The following AMD1 variants were observed in gnomAD, a reference collection of about 807,000 sequenced individuals.
AMD1 encodes S-adenosylmethionine decarboxylase proenzyme.
A neutral mutation model predicts 40.2 loss-of-function variants in AMD1; 11 were observed. The observed-to-expected ratio is 0.27, with a 90% confidence interval of 0.17 to 0.45. The LOEUF is 0.45. Among genes scored for constraint, AMD1 ranks in the 20% least tolerant of loss-of-function variants. AMD1 has a pLI of 1.00. For synonymous variants in AMD1, 121 were observed against 130.8 expected (o/e 0.93, Z 0.51); for missense variants, 257 against 410.2 (o/e 0.63, Z 3.23).
At position 110,878,326 on chromosome 6, in the gene AMD1, C is replaced by T. The variant is rs142169615; in HGVS notation, c.110+3111C>T. On this transcript the variant is annotated intron_variant, in intron 1 of 8. Transcript: ENST00000368885. ...GAATACACTTTAAACAAACTTGGCT[C>T]ATCAGTCCAAGCTTTAATGCTTGGA... Among the ~76,000 whole-genome samples the T allele has an allele frequency of 1.3e-3, 201 of 152,316 alleles. 1 individual carries two copies. The highest frequency in any genetic ancestry group is 4.5e-3 in the African/African-American group (189 of 41,580).
the AMD1 span, chr6:110,814,913 G>C: frequency 6.5e-7 from 1 of 1,537,992 alleles, no homozygotes; most frequent in Non-Finnish European, 8.9e-7. Context: ...CTCGCCCCTC[G>C]GGCACGGCCC....
chr6:110,825,314 A>G, the AMD1 span, among the ~76,000 whole-genome samples: 1 of 152,196 alleles, frequency 6.6e-6, no homozygotes, highest in South Asian at 2.1e-4. Context: ...GGTAACTAGT[A>G]ACTAATTGAA....
the AMD1 span, among the ~76,000 whole-genome samples, chr6:110,827,353 A>C: frequency 6.6e-6 from 1 of 150,662 alleles, no homozygotes; most frequent in Non-Finnish European, 1.5e-5. Flanking sequence ...GTGTTGCCCA[A>C]GCTTGTTTCT....
chr6:110,850,505 C>T, the AMD1 span, among the ~76,000 whole-genome samples: 3 of 152,160 alleles, frequency 2.0e-5, no homozygotes, highest in African/African-American at 7.2e-5. Context: ...CCCCAACCAT[C>T]CCTGCCTGCC....
chr6:110,883,694 C>G (rs191186583), intron 1 of AMD1, among the ~76,000 whole-genome samples: 84 of 152,258 alleles, frequency 5.5e-4, no homozygotes, highest in African/African-American at 2.0e-3. Flanking sequence ...CGGGTTCATG[C>G]CATTCTCCCG....
At chr6:110,871,515 T>A (rs954040009), upstream of AMD1, among the ~76,000 whole-genome samples, 1 of 152,044 alleles carries the variant, frequency 6.6e-6, no homozygotes, top group Admixed American at 6.6e-5. Context: ...CAGGAAAGAG[T>A]GGAATCATTG....
chr6:110,846,913 A>AT, the AMD1 span, among the ~76,000 whole-genome samples: 1 of 151,794 alleles, frequency 6.6e-6, no homozygotes, highest in Non-Finnish European at 1.5e-5. Context: ...TCTTAATTGC[A>AT]TTTTTTTCTG....
At chr6:110,834,596 GA>G in the AMD1 span, among the ~76,000 whole-genome samples, 1 of 152,048 alleles carries the variant, frequency 6.6e-6, no homozygotes, top group African/African-American at 2.4e-5. Flanking sequence ...GCCAAGGCAG[GA>G]AGATTGCTTG....
chr6:110,820,517 A>T, the AMD1 span, among the ~76,000 whole-genome samples: 1 of 151,706 alleles, frequency 6.6e-6, no homozygotes, highest in African/African-American at 2.4e-5. Flanking sequence ...GATTACAGGC[A>T]TGAGCTACCA....
At chr6:110,839,467 A>C in the AMD1 span, among the ~76,000 whole-genome samples, 1 of 152,086 alleles carries the variant, frequency 6.6e-6, no homozygotes, top group Non-Finnish European at 1.5e-5. Context: ...CTACAAATGC[A>C]AAAATTAGCC....
At chr6:110,837,438 C>T in the AMD1 span, among the ~76,000 whole-genome samples, 6 of 151,514 alleles carry the variant, frequency 4.0e-5, no homozygotes, top group South Asian at 2.1e-4. Flanking sequence ...TGGATGGACA[C>T]GGTGGCTCAT....
chr6:110,818,297 G>A, the AMD1 span, among the ~76,000 whole-genome samples: 2 of 152,092 alleles, frequency 1.3e-5, no homozygotes, highest in Non-Finnish European at 2.9e-5. Context: ...GGCAAAAAAA[G>A]GGGGATAGGA....
the AMD1 span, among the ~76,000 whole-genome samples, chr6:110,838,820 T>C: frequency 1.3e-5 from 2 of 152,112 alleles, no homozygotes; most frequent in African/African-American, 4.8e-5. Flanking sequence ...GGTCGCATCA[T>C]TGCACTCCAG....
intron 1 of AMD1, among the ~76,000 whole-genome samples, chr6:110,876,094 C>T (rs1332000086): frequency 2.0e-5 from 3 of 152,230 alleles, no homozygotes; most frequent in Admixed American, 6.5e-5. Flanking sequence ...GCAAAGGAAT[C>T]TGGGGCCCAC....
At chr6:110,889,108 G>A in intron 3 of AMD1, 125 bp downstream of exon 3, 1 of 1,150,938 alleles carries the variant, frequency 8.7e-7, no homozygotes. Flanking sequence ...CACGTGGTAA[G>A]GTGTTCATAC....
chr6:110,853,730 T>C, the AMD1 span, among the ~76,000 whole-genome samples: 1 of 152,210 alleles, frequency 6.6e-6, no homozygotes, highest in African/African-American at 2.4e-5. Context: ...TGTGAGCAAC[T>C]GCGCCCAGCC....
chr6:110,818,992 C>CT, the AMD1 span, among the ~76,000 whole-genome samples: 34 of 152,286 alleles, frequency 2.2e-4, no homozygotes, highest in African/African-American at 7.5e-4. Context: ...AGCAAATTCT[C>CT]TGACAAAAGT....
At chr6:110,883,418 G>T (rs79491194) in intron 1 of AMD1, among the ~76,000 whole-genome samples, 1 of 152,170 alleles carries the variant, frequency 6.6e-6, no homozygotes. Flanking sequence ...TTCCAAGAAA[G>T]GCTCTCTAGT....
In AMD1 at chr6:110,891,890, G is replaced by A. The variant is rs1786038961; in HGVS notation, c.428-271G>A. The A allele has an allele frequency of 1.8e-5, 8 of 452,608 alleles. No individual in the cohort carries two copies. In the East Asian group the frequency reaches 3.4e-4, roughly 19 times the overall value. 28.0% of individuals were successfully genotyped at this position (452,608 alleles called of 1,614,324 possible). A position where few individuals can be genotyped will look rare whatever the true frequency, so the allele number is the denominator to read the frequency against. On this transcript the variant is annotated intron_variant, in intron 4 of 8. Coordinates refer to ENST00000368885, the MANE Select transcript of AMD1 (RefSeq NM_001634.6). ...CCCAAGTAGCTGGGATTATAGGCAT[G>A]TGCCAACACGCCCAGCTACTTTTTG...
Sources: allele counts gnomAD v4.1 joint callset (sites outside exome capture counted in the v4.1 genomes callset), GRCh38; gene constraint gnomAD v4.1.1; transcripts MANE v1.5; gene names NCBI Gene and HGNC (gene_info 2026-07-23, HGNC 2026-07-21).